SPRED1: variants seen among roughly 807,000 people sequenced by gnomAD.
SPRED1 encodes the protein sprouty-related, EVH1 domain-containing protein 1.
A neutral mutation model predicts 52.3 loss-of-function variants in SPRED1; 18 were observed. The ratio of observed to expected loss-of-function variants is 0.34; its 90% CI spans 0.24 to 0.51. SPRED1 has a LOEUF of 0.51. Ranked by LOEUF, SPRED1 falls within the 20% of genes least tolerant of loss-of-function variation. The pLI is 0.97. For missense variants in SPRED1, 485 were observed against 551.0 expected, an observed-to-expected ratio of 0.88 and a Z score of 1.20; for synonymous variants, 155 against 179.7, an observed-to-expected ratio of 0.86 and a Z score of 1.10.
At chr15:38,272,611 A>G (rs906075514) in intron 1 of SPRED1, among the ~76,000 whole-genome samples, 2 of 152,050 alleles carry the variant, frequency 1.3e-5, no homozygotes, top group African/African-American at 2.4e-5. Flanking sequence ...GAAATCTCCA[A>G]ACTGCTCTCC....
chr15:38,279,475 A>T (rs989840799), intron 1 of SPRED1, among the ~76,000 whole-genome samples: 1 of 152,202 alleles, frequency 6.6e-6, no homozygotes, highest in South Asian at 2.1e-4. Context: ...ATCTCAATCA[A>T]AAGAGGATGT....
At chr15:38,278,540 C>A (rs1894610422) in intron 1 of SPRED1, among the ~76,000 whole-genome samples, 1 of 152,164 alleles carries the variant, frequency 6.6e-6, no homozygotes, top group African/African-American at 2.4e-5. Flanking sequence ...GTGTACATTA[C>A]AGATTAACAC....
intron 4 of SPRED1, among the ~76,000 whole-genome samples, chr15:38,326,895 G>GT (rs1895717900): frequency 1.3e-5 from 2 of 152,142 alleles, no homozygotes; most frequent in African/African-American, 2.4e-5. Context: ...ATTATTCCCA[G>GT]GTCCTAAGTT....
At chr15:38,253,542 T>C (rs1370511877) in intron 1 of SPRED1, among the ~76,000 whole-genome samples, 1 of 152,164 alleles carries the variant, frequency 6.6e-6, no homozygotes, top group African/African-American at 2.4e-5. Flanking sequence ...CCCGTCCTTT[T>C]TCACTCACAT....
chr15:38,260,686 A>G (rs1392373188), intron 1 of SPRED1, among the ~76,000 whole-genome samples: 2 of 152,214 alleles, frequency 1.3e-5, no homozygotes, highest in Admixed American at 1.3e-4. Context: ...TTCAATAACT[A>G]TGTCAATATA....
rs557688590 is a variant in SPRED1 at position 38,255,708 on chromosome 15, G to A, written c.32+2491G>A. Reference sequence around the variant, plus strand: ...TTATAGTCATTATGAAGAAAGATACGTATCATGGCAGAAGCCATTAAGGCC... The same window carrying A: ...TTATAGTCATTATGAAGAAAGATACATATCATGGCAGAAGCCATTAAGGCC... On this transcript the variant is annotated intron_variant, in intron 1 of 6. Transcript: ENST00000299084. Among the ~76,000 whole-genome samples, 411 of 152,258 alleles carry A rather than the reference G, an allele frequency of 2.7e-3. 2 individuals are homozygous for A. Among genetic ancestry groups the A allele is most frequent in the Non-Finnish European group, 4.6e-3 (313 of 67,994 alleles).
chr15:38,350,771 G>A (rs946292526), intron 6 of SPRED1, among the ~76,000 whole-genome samples: 2 of 152,130 alleles, frequency 1.3e-5, no homozygotes, highest in East Asian at 1.9e-4. Context: ...TCTTGCTCAG[G>A]GGGAGCTCAG....
At chr15:38,280,588 A>T (rs1050121821) in intron 1 of SPRED1, among the ~76,000 whole-genome samples, 35 of 152,312 alleles carry the variant, frequency 2.3e-4, no homozygotes, top group Non-Finnish European at 4.1e-4. Context: ...TCTAAAGATA[A>T]GAGATTTTAA....
intron 1 of SPRED1, among the ~76,000 whole-genome samples, chr15:38,262,098 A>G (rs561461268): frequency 6.6e-6 from 1 of 151,582 alleles, no homozygotes; most frequent in East Asian, 1.9e-4. Flanking sequence ...AGTATTAAAC[A>G]TTTCAGAATT....
At chr15:38,307,883 A>AG (rs1451313042) in intron 2 of SPRED1, among the ~76,000 whole-genome samples, 1 of 152,098 alleles carries the variant, frequency 6.6e-6, no homozygotes, top group Non-Finnish European at 1.5e-5. Context: ...GTTTTTTCTT[A>AG]GGGTTATAAA....
At chr15:38,340,046 T>G (rs563672744) in intron 5 of SPRED1, 151 bp downstream of exon 5, 13 of 1,017,680 alleles carry the variant, frequency 1.3e-5, no homozygotes, top group Non-Finnish European at 1.9e-5. Context: ...AGAATTTGAT[T>G]TATAATGAGC....
intron 3 of SPRED1, among the ~76,000 whole-genome samples, chr15:38,324,241 G>A (rs1243669675): frequency 6.6e-6 from 1 of 152,110 alleles, no homozygotes; most frequent in African/African-American, 2.4e-5. Flanking sequence ...ACTCTTAACA[G>A]CATGAAAATC....
At chr15:38,268,567 C>T (rs1009701095) in intron 1 of SPRED1, among the ~76,000 whole-genome samples, 2 of 152,138 alleles carry the variant, frequency 1.3e-5, no homozygotes, top group African/African-American at 4.8e-5. Context: ...GATGTTGAGA[C>T]CATGTAGGGG....
intron 1 of SPRED1, among the ~76,000 whole-genome samples, chr15:38,273,519 TAATATATATATATATATATA>T (rs539120453): frequency 0.048 from 5,368 of 112,968 alleles, 157 homozygotes; most frequent in African/African-American, 0.08. Flanking sequence ...TATGTATTAT[TAATATATATATATATATATA>T]TATATATATA....
chr15:38,324,163 G>C (rs954115755), intron 3 of SPRED1, among the ~76,000 whole-genome samples: 5 of 152,138 alleles, frequency 3.3e-5, no homozygotes, highest in African/African-American at 1.2e-4. Flanking sequence ...TGCCTCTCAA[G>C]GGTAGCATGA....
chr15:38,342,310 T>C (rs1896047954), intron 5 of SPRED1, among the ~76,000 whole-genome samples: 1 of 152,066 alleles, frequency 6.6e-6, no homozygotes, highest in South Asian at 2.1e-4. Context: ...CCTGTATTAA[T>C]GTTTTACATT....
intron 2 of SPRED1, among the ~76,000 whole-genome samples, chr15:38,319,792 G>T (rs571057712): frequency 3.9e-5 from 6 of 152,236 alleles, no homozygotes; most frequent in African/African-American, 1.4e-4. Flanking sequence ...CACATTTTTG[G>T]TTATTTCTGA....
chr15:38,333,985 T>C (rs1321125030), intron 4 of SPRED1, among the ~76,000 whole-genome samples: 2 of 152,118 alleles, frequency 1.3e-5, no homozygotes, highest in African/African-American at 4.8e-5. Flanking sequence ...GATAATACTA[T>C]GTACCTCAAA....
At chr15:38,294,656 A>G (rs1894996605) in intron 1 of SPRED1, among the ~76,000 whole-genome samples, 1 of 152,202 alleles carries the variant, frequency 6.6e-6, no homozygotes, top group African/African-American at 2.4e-5. Context: ...TTTATTTTAG[A>G]AAAGTTAAGC....
Sources: gnomAD v4.1 joint callset for allele counts (sites outside exome capture counted in the v4.1 genomes callset) on GRCh38, gnomAD v4.1.1 for gene constraint, MANE v1.5 for transcripts, NCBI Gene and HGNC (gene_info 2026-07-23, HGNC 2026-07-21) for gene names.